Variants in WWC2 observed in about 807,000 individuals in gnomAD.
WWC2 encodes WW and C2 domain containing 2.
WWC2 carries 101 observed loss-of-function variants against 138.5 expected under a neutral mutation model. The observed-to-expected ratio is 0.73, with a 90% CI of 0.62 to 0.86. WWC2 has a LOEUF of 0.86. WWC2 is among the 40% of genes least tolerant of loss of function. WWC2 has a pLI of 0.00. For missense variants in WWC2, 1,420 were observed against 1,419.4 expected (o/e 1.00, Z -0.01); for synonymous variants, 558 against 538.4 (o/e 1.04, Z -0.50).
chr4:183,100,747 A>G (rs1277520017), intron 1 of WWC2, among the ~76,000 whole-genome samples: 3 of 152,232 alleles, frequency 2.0e-5, no homozygotes, highest in Non-Finnish European at 4.4e-5. Context: ...CTAAAAGGCA[A>G]TTACAAGAAA....
At chr4:183,307,511 T>C (rs1216081804) in intron 21 of WWC2, among the ~76,000 whole-genome samples, 1 of 152,164 alleles carries the variant, frequency 6.6e-6, no homozygotes, top group Non-Finnish European at 1.5e-5. Context: ...GCCCTATATC[T>C]CTTGTGAACA....
chr4:183,319,635 G>GC lies in WWC2; in HGVS notation c.*3907dup. On this transcript the variant is annotated 3_prime_UTR_variant, in exon 23 of 23. Coordinates refer to ENST00000403733, the MANE Select transcript of WWC2 (RefSeq NM_024949.6). ...TTGTGCCACTGCGTAGTGGCCCGAA[G>GC]CTAGGGGAGCGTGGCTGGAGCAGGC... 6.2e-7 allele frequency: 1 copy of GC among 1,614,144 alleles called. No homozygotes were observed. Among genetic ancestry groups the GC allele is most frequent in the East Asian group, 2.2e-5 (1 of 44,874 alleles).
In WWC2 at chr4:183,133,156, T is replaced by C. The variant is rs547291224; in HGVS notation, c.131+33534T>C. ...TTTTCTTTCTTTCTTTTTTTTCTTT[T>C]TTTTTTTTTTTTGACCAGGTCTTGC... is the stretch of plus-strand genomic sequence containing the variant. On this transcript the variant is annotated intron_variant, in intron 1 of 22. Transcript: ENST00000403733. Among the ~76,000 whole-genome samples the C allele has an allele frequency of 1.0e-4, 15 of 142,880 alleles. No individual in the cohort carries two copies. In the South Asian group the frequency reaches 3.3e-3, roughly 32 times the overall value. 93.7% of individuals were successfully genotyped at this position (142,880 alleles called of 152,430 possible).
chr4:183,243,807 T>C (rs925441), intron 5 of WWC2, among the ~76,000 whole-genome samples: 35 of 150,726 alleles, frequency 2.3e-4, no homozygotes, highest in African/African-American at 8.5e-4. Context: ...GTTTAATCTG[T>C]GACTTGATTG....
intron 9 of WWC2, among the ~76,000 whole-genome samples, chr4:183,257,211 T>C (rs2111349547): frequency 6.6e-6 from 1 of 152,304 alleles, no homozygotes; most frequent in Non-Finnish European, 1.5e-5. Context: ...GACGTCTTAA[T>C]TGTTTCTTAA....
intron 21 of WWC2, among the ~76,000 whole-genome samples, chr4:183,290,504 G>T (rs1738413883): frequency 6.7e-6 from 1 of 148,236 alleles, no homozygotes; most frequent in Non-Finnish European, 1.5e-5. Flanking sequence ...GCGACAGAGT[G>T]AGACTCCATC....
intron 1 of WWC2, among the ~76,000 whole-genome samples, chr4:183,142,580 G>A (rs1397639628): frequency 6.6e-6 from 1 of 152,186 alleles, no homozygotes; most frequent in East Asian, 1.9e-4. Flanking sequence ...TTCTTCTAAA[G>A]CTTCATGCCA....
intron 1 of WWC2, among the ~76,000 whole-genome samples, chr4:183,169,822 ATAAT>A (rs965495088): frequency 6.6e-6 from 1 of 152,196 alleles, no homozygotes; most frequent in Non-Finnish European, 1.5e-5. Context: ...TAAATTTCTA[ATAAT>A]TATATTATCA....
At chr4:183,315,209 C>T (rs921555560) in intron 22 of WWC2, among the ~76,000 whole-genome samples, 2 of 152,166 alleles carry the variant, frequency 1.3e-5, no homozygotes, top group South Asian at 2.1e-4. Flanking sequence ...TCATTTGCGT[C>T]GTGGTGTCGC....
At chr4:183,268,151 C>G (rs145362808) in intron 14 of WWC2, among the ~76,000 whole-genome samples, 1 of 151,970 alleles carries the variant, frequency 6.6e-6, no homozygotes, top group Admixed American at 6.6e-5. Context: ...GTTTTTCTAA[C>G]GGAGAAAGGC....
chr4:183,117,465 C>T (rs1732450747), intron 1 of WWC2, among the ~76,000 whole-genome samples: 2 of 152,034 alleles, frequency 1.3e-5, no homozygotes, highest in African/African-American at 4.8e-5. Flanking sequence ...AGGTGATCTG[C>T]CCGCCTCAGC....
In WWC2 at chr4:183,317,513, A is replaced by C. The variant is rs1739479652; in HGVS notation, c.*1784A>C. 1 of 152,676 alleles carries C rather than the reference A, an allele frequency of 6.5e-6. No individual in the cohort carries two copies. Among genetic ancestry groups the C allele is most frequent in the Non-Finnish European group, 1.5e-5 (1 of 68,044 alleles). The allele number at this position is 152,676 out of a possible 1,614,324, so 9.5% of individuals were successfully genotyped here. On this transcript the variant is annotated 3_prime_UTR_variant, in exon 23 of 23. Transcript: ENST00000403733. ...AAAAGAATACAGTTCACCCTTGTCA[A>C]GGTCAAATGTGAAAGACAGAAGTTT...
chr4:183,254,087 A>G (rs769410942), intron 9 of WWC2, 88 bp downstream of exon 9: 52 of 1,518,136 alleles, frequency 3.4e-5, no homozygotes, highest in Admixed American at 6.9e-5. Context: ...GGAAATCTCA[A>G]TTGCATCTGT....
In WWC2 at chr4:183,268,859, T is replaced by C. The variant is rs1737596858; in HGVS notation, c.2208-112T>C. 30 of 1,163,662 alleles carry C rather than the reference T, an allele frequency of 2.6e-5. No homozygotes were observed. The South Asian group carries it at 3.4e-4, about 13-fold the overall frequency. 72.1% of individuals were successfully genotyped at this position (1,163,662 alleles called of 1,614,324 possible). The stretch of plus-strand genomic sequence containing the variant: ...ATGGCAGCAACACTTTAGATTGATC[T>C]TGAACTCCACGATCCCTCATTTTCT... On this transcript the variant is annotated intron_variant, in intron 14 of 22. Coordinates refer to ENST00000403733, the MANE Select transcript of WWC2 (RefSeq NM_024949.6).
intron 4 of WWC2, among the ~76,000 whole-genome samples, chr4:183,212,105 G>A (rs554592432): frequency 1.7e-3 from 262 of 152,326 alleles, no homozygotes; most frequent in Middle Eastern, 3.4e-3. Context: ...ACAGGTGTAA[G>A]CCACGGCGCC....
At chr4:183,104,357 AT>A (rs1166343083) in intron 1 of WWC2, among the ~76,000 whole-genome samples, 2 of 152,228 alleles carry the variant, frequency 1.3e-5, no homozygotes, top group Non-Finnish European at 2.9e-5. Context: ...CTACTCTCTT[AT>A]TTCCAGATTC....
At chr4:183,258,039 G>A (rs988757003) in intron 9 of WWC2, among the ~76,000 whole-genome samples, 1 of 152,314 alleles carries the variant, frequency 6.6e-6, no homozygotes, top group African/African-American at 2.4e-5. Flanking sequence ...AGCACTGAAA[G>A]TGTGGCTCAG....
chr4:183,162,913 A>G (rs1734002130), intron 1 of WWC2, among the ~76,000 whole-genome samples: 2 of 152,134 alleles, frequency 1.3e-5, no homozygotes, highest in East Asian at 1.9e-4. Flanking sequence ...TTGCGTTCCA[A>G]GAAGTGCCTT....
chr4:183,251,674 T>A (rs1303679336), intron 8 of WWC2, among the ~76,000 whole-genome samples: 2 of 152,234 alleles, frequency 1.3e-5, no homozygotes, highest in Non-Finnish European at 2.9e-5. Flanking sequence ...AGTTGGTTAA[T>A]TCAGTCACAT....
Sources: gnomAD v4.1 joint callset for allele counts (sites outside exome capture counted in the v4.1 genomes callset) on GRCh38, gnomAD v4.1.1 for gene constraint, MANE v1.5 for transcripts, NCBI Gene and HGNC (gene_info 2026-07-23, HGNC 2026-07-21) for gene names.